DST: variants seen among roughly 807,000 people sequenced by gnomAD.
The protein encoded by DST is dystonin, also known as bullous pemphigoid antigen.
A neutral mutation model predicts 875.2 loss-of-function variants in DST; 253 were observed. The observed-to-expected ratio is 0.29, with a 90% confidence interval of 0.26 to 0.32. DST has a LOEUF of 0.32. Among genes scored for constraint, DST ranks in the 10% least tolerant of loss-of-function variants. DST has a pLI of 1.00. For missense variants in DST, 8,287 were observed against 9,111.6 expected (o/e 0.91, Z 3.68); for synonymous variants, 3,124 against 3,197.1 (o/e 0.98, Z 0.77).
intron 6 of DST, 60 bp downstream of exon 6, chr6:56,704,220 T>C: frequency 1.2e-6 from 1 of 828,182 alleles, no homozygotes; most frequent in Non-Finnish European, 1.9e-6. Flanking sequence ...GAAAACATAC[T>C]GGTCCTATGC....
intron 5 of DST, among the ~76,000 whole-genome samples, chr6:56,731,994 CAAT>C (rs1371743082): frequency 1.3e-5 from 2 of 151,986 alleles, no homozygotes; most frequent in African/African-American, 2.4e-5. Context: ...ACTTTTTAAA[CAAT>C]AATATTTTTA....
rs753195364 is a variant in DST at position 56,616,059 on chromosome 6, A to AG, written c.4930-1576_4930-1575insC. ...CGGAGGGCAGTAATCCGATCAACCA[A>AG]ATTTCTACGGGAGGCTTTTAGTACA... On this transcript the variant is annotated intron_variant, in intron 36 of 103. Transcript: ENST00000680361. The AG allele has an allele frequency of 1.7e-5, 28 of 1,614,052 alleles. No homozygotes were observed. The highest frequency in any genetic ancestry group is 2.2e-5 in the Non-Finnish European group (26 of 1,180,036).
chr6:56,676,136 A>G (rs909953769), intron 9 of DST, among the ~76,000 whole-genome samples: 2 of 152,016 alleles, frequency 1.3e-5, no homozygotes, highest in Admixed American at 1.3e-4. Flanking sequence ...GGGCAATCTC[A>G]GCTCACTGCA....
At chr6:56,828,369 T>C (rs770239063) in intron 4 of DST, among the ~76,000 whole-genome samples, 3 of 152,250 alleles carry the variant, frequency 2.0e-5, no homozygotes, top group Non-Finnish European at 2.9e-5. Flanking sequence ...GCCTGCTGCA[T>C]GCAATGTACT....
In DST at chr6:56,646,079, G is replaced by A. The variant is rs1278716869; in HGVS notation, c.1650+8C>T. ...ATGCTTGACAATACAAAGCAAATTTGAGCTTACCTCTAATAATTTATATAG... is the reference window on the plus strand; with the variant it reads ...ATGCTTGACAATACAAAGCAAATTTAAGCTTACCTCTAATAATTTATATAG... On this transcript the variant is annotated splice_region_variant and intron_variant, in intron 14 of 103. Coordinates refer to ENST00000680361, the MANE Select transcript of DST (RefSeq NM_001374736.1). 1 of 1,555,954 alleles carries A rather than the reference G, an allele frequency of 6.4e-7. No homozygotes were observed. Among genetic ancestry groups the A allele is most frequent in the Admixed American group, 2.0e-5 (1 of 49,960 alleles).
intron 4 of DST, among the ~76,000 whole-genome samples, chr6:56,846,698 C>G (rs556491170): frequency 6.6e-6 from 1 of 152,084 alleles, no homozygotes; most frequent in African/African-American, 2.4e-5. Flanking sequence ...TACAAAAGCA[C>G]TAAAGACTAA....
rs779944990 is a variant in DST at position 56,560,300 on chromosome 6, C to G, written c.14434G>C (p.Glu4812Gln). Residue 4812 changes from glutamate (E) to glutamine (Q), a missense_variant, in exon 58 of 104, where the codon GAA becomes CAA. By Grantham distance (29) the Glu-to-Gln change is conservative. Coordinates refer to ENST00000680361, the MANE Select transcript of DST (RefSeq NM_001374736.1). ...TCTAAGTAACGCAACATACCTATTT[C>G]TGTCAACATCTGTTTCCATCTGGGG... is the stretch of plus-strand genomic sequence containing the variant. ...EAPRWKQMLTEIDSKWQELNQ... is the reference protein window; with the variant it reads ...EAPRWKQMLTQIDSKWQELNQ... 7.5e-6 allele frequency: 12 copies of G among 1,605,598 alleles called. No homozygotes were observed. The highest frequency in any genetic ancestry group is 9.4e-6 in the Non-Finnish European group (11 of 1,175,958).
chr6:56,878,081 G>T (rs1041337479), intron 3 of DST, among the ~76,000 whole-genome samples: 1 of 152,192 alleles, frequency 6.6e-6, no homozygotes, highest in Non-Finnish European at 1.5e-5. Flanking sequence ...GCAATGCCCT[G>T]TGCTAAACCA....
Position 56,604,107 on chromosome 6 carries a change from A to G in DST, c.10521T>C (p.His3507=), listed in dbSNP as rs1204044750. 1 of 1,577,672 alleles carries G rather than the reference A, an allele frequency of 6.3e-7. No individual in the cohort carries two copies. Among genetic ancestry groups the G allele is most frequent in the South Asian group, 1.1e-5 (1 of 87,050 alleles). The change falls in exon 40 of 104, where the codon CAT becomes CAC. Residue 3507 remains histidine, a synonymous_variant. Coordinates refer to ENST00000680361, the MANE Select transcript of DST (RefSeq NM_001374736.1). The part of the protein sequence containing the change: ...LADGYSEKIE[H]VGDFNQKACS... ...ATGCTTTTTGATTAAAGTCTCCAACATGTTCTATTTTCTCTGAATATCCAT... is the reference window on the plus strand; with the variant it reads ...ATGCTTTTTGATTAAAGTCTCCAACGTGTTCTATTTTCTCTGAATATCCAT...
At chr6:56,912,990 C>T (rs949051151) in intron 2 of DST, among the ~76,000 whole-genome samples, 1 of 152,222 alleles carries the variant, frequency 6.6e-6, no homozygotes, top group Non-Finnish European at 1.5e-5. Flanking sequence ...CTACCTCCTA[C>T]ATAGGGCTCT....
chr6:56,583,356 G>A (rs1467022008), intron 49 of DST, among the ~76,000 whole-genome samples: 1 of 152,194 alleles, frequency 6.6e-6, no homozygotes. Flanking sequence ...GTGATGATGA[G>A]CGTTTTTTCA....
chr6:56,888,205 C>A (rs1265960688), intron 3 of DST, among the ~76,000 whole-genome samples: 2 of 152,064 alleles, frequency 1.3e-5, no homozygotes, highest in African/African-American at 4.8e-5. Context: ...GCCTCAGCCT[C>A]CCAGTGTGCT....
chr6:56,555,537 C>T lies in DST; in HGVS notation c.14944G>A (p.Ala4982Thr), dbSNP rs2152559788. The T allele has an allele frequency of 6.2e-7, 1 of 1,613,996 alleles. No individual in the cohort carries two copies. Among genetic ancestry groups the T allele is most frequent in the South Asian group, 1.1e-5 (1 of 91,084 alleles). The stretch of plus-strand genomic sequence containing the variant: ...GCTGTTTCCAACTGTTGGTTCATAG[C>T]ATCAGGGTGCGTGCTCACAGCCAGA... ...SSLAVSTHPDAMNQQLETAQK... is the reference protein window; with the variant it reads ...SSLAVSTHPDTMNQQLETAQK... The change falls in exon 60 of 104, where the codon GCT becomes ACT. Residue 4982 changes from alanine to threonine, a missense_variant. Transcript: ENST00000680361.
chr6:56,592,837 GTC>G (rs2098303515), intron 48 of DST, among the ~76,000 whole-genome samples: 1 of 151,924 alleles, frequency 6.6e-6, no homozygotes, highest in Non-Finnish European at 1.5e-5. Flanking sequence ...AACTTGGCAA[GTC>G]TGTTCAGATT....
chr6:56,592,119 G>A, intron 49 of DST, 63 bp downstream of exon 49: 5 of 1,445,706 alleles, frequency 3.5e-6, no homozygotes, highest in East Asian at 2.3e-5. Context: ...TCACAAAAGT[G>A]TGAGAAATTG....
Position 56,546,750 on chromosome 6 carries a change from C to A in DST, c.16608+5434G>T, listed in dbSNP as rs1028039326. On this transcript the variant is annotated intron_variant, in intron 61 of 103. Coordinates refer to ENST00000680361, the MANE Select transcript of DST (RefSeq NM_001374736.1). ...TTTTCAAGAAACCAATGTCTAATTT[C>A]ATAACAAGGCAAATTCTTCTCTGTC... Among the ~76,000 whole-genome samples, 14 of 152,158 alleles carry A rather than the reference C, an allele frequency of 9.2e-5. 1 individual carries two copies. Among genetic ancestry groups the A allele is most frequent in the Admixed American group, 5.9e-4 (9 of 15,272 alleles).
chr6:56,606,613 T>C lies in DST; in HGVS notation c.8015A>G (p.Gln2672Arg). 6.2e-7 allele frequency: 1 copy of C among 1,613,524 alleles called. No individual in the cohort carries two copies. The highest frequency in any genetic ancestry group is 1.1e-5 in the South Asian group (1 of 91,074). The change falls in exon 40 of 104, where the codon CAG (glutamine) becomes CGG (arginine). Residue 2672 changes from glutamine to arginine, a missense_variant. Transcript: ENST00000680361. ...SKENENSMVP[Q>R]GAPVGSLSVK... ...ACTTAAGCTACCAACTGGTGCCCCCTGGGGAACCATGGAATTTTCATTCTC... is the reference window on the plus strand; with the variant it reads ...ACTTAAGCTACCAACTGGTGCCCCCCGGGGAACCATGGAATTTTCATTCTC...
chr6:56,592,465 C>A, intron 48 of DST, 107 bp from the exon 49 acceptor site: 1 of 937,986 alleles, frequency 1.1e-6, no homozygotes, highest in Admixed American at 2.9e-5. Context: ...AAAAACCAGA[C>A]TTCCACCAAA....
chr6:56,683,308 T>C (rs2099165527), intron 9 of DST, among the ~76,000 whole-genome samples: 1 of 152,180 alleles, frequency 6.6e-6, no homozygotes, highest in Non-Finnish European at 1.5e-5. Context: ...TTCTACCTTC[T>C]TCTGGAACTA....
Sources: allele counts gnomAD v4.1 joint callset (sites outside exome capture counted in the v4.1 genomes callset), GRCh38; gene constraint gnomAD v4.1.1; transcripts MANE v1.5; gene names NCBI Gene and HGNC (gene_info 2026-07-23, HGNC 2026-07-21).